Variants in RPIA observed in about 807,000 individuals in gnomAD.
The protein encoded by RPIA is ribose-5-phosphate isomerase.
A neutral mutation model predicts 37.8 loss-of-function variants in RPIA; 29 were observed. The observed-to-expected ratio is 0.77, with a 90% CI of 0.57 to 1.05. RPIA has a LOEUF of 1.05. RPIA is among the 50% of genes least tolerant of loss of function. RPIA has a pLI of 0.00. For missense variants in RPIA, 385 were observed against 413.6 expected, an observed-to-expected ratio of 0.93 and a Z score of 0.60; for synonymous variants, 167 against 157.0, an observed-to-expected ratio of 1.06 and a Z score of -0.48.
Position 88,750,527 on chromosome 2 carries a change from CT to C in RPIA, c.*451del, listed in dbSNP as rs1673492979. 1 of 418,716 alleles carries C rather than the reference CT, an allele frequency of 2.4e-6. No homozygotes were observed. Among genetic ancestry groups the C allele is most frequent in the Non-Finnish European group, 4.2e-6 (1 of 237,554 alleles). 25.9% of individuals were successfully genotyped at this position (418,716 alleles called of 1,614,324 possible). On this transcript the variant is annotated 3_prime_UTR_variant, in exon 9 of 9. Transcript: ENST00000283646. Reference sequence around the variant, plus strand: ...GATGCCTTACTGGAAACTTTGTTTACTTGTCTGCTACCCTCTGATTTGTTTT... The same window carrying C: ...GATGCCTTACTGGAAACTTTGTTTACTGTCTGCTACCCTCTGATTTGTTTT...
intron 3 of RPIA, among the ~76,000 whole-genome samples, chr2:88,713,121 T>TATATATATATATATATATA (rs58120689): frequency 1.8e-5 from 1 of 56,302 alleles, no homozygotes; most frequent in African/African-American, 8.0e-5. Context: ...TATATATATA[T>TATATATATATATATATATA]TTTTTTTTTT....
chr2:88,710,348 G>A (rs963930070), intron 3 of RPIA, among the ~76,000 whole-genome samples: 2 of 152,140 alleles, frequency 1.3e-5, no homozygotes, highest in Admixed American at 6.5e-5. Flanking sequence ...GCCCAGCCAA[G>A]GCAGTTCTGA....
At chr2:88,722,994 T>TTTTG (rs1299054359) in intron 3 of RPIA, among the ~76,000 whole-genome samples, 1 of 152,196 alleles carries the variant, frequency 6.6e-6, no homozygotes, top group East Asian at 1.9e-4. Flanking sequence ...GTGCATAGTT[T>TTTTG]TTTGTTTGTT....
At chr2:88,717,773 C>T (rs998358871) in intron 3 of RPIA, among the ~76,000 whole-genome samples, 2 of 152,102 alleles carry the variant, frequency 1.3e-5, no homozygotes, top group African/African-American at 2.4e-5. Context: ...ATTGTTTATT[C>T]CTAGACAGGT....
Position 88,691,828 on chromosome 2 carries a change from C to T in RPIA, c.130C>T (p.Pro44Ser). 6.3e-7 allele frequency: 1 copy of T among 1,597,568 alleles called. No homozygotes were observed. ...WDLPGSHVRLPGRAQSGTRGG... is the reference protein window; with the variant it reads ...WDLPGSHVRLSGRAQSGTRGG... Reference sequence around the variant, plus strand: ...CCTCCCGGGTTCCCACGTGCGGCTGCCGGGGCGTGCACAGTCTGGGACCCG... The same window carrying T: ...CCTCCCGGGTTCCCACGTGCGGCTGTCGGGGCGTGCACAGTCTGGGACCCG... The change falls in exon 1 of 9, where the codon CCG becomes TCG. Residue 44 changes from proline to serine, a missense_variant. Physicochemically the swap from Pro to Ser is moderately conservative, Grantham distance 74. Coordinates refer to ENST00000283646, the MANE Select transcript of RPIA (RefSeq NM_144563.3).
chr2:88,743,802 C>G (rs1172921335), intron 8 of RPIA, among the ~76,000 whole-genome samples: 3 of 151,958 alleles, frequency 2.0e-5, no homozygotes, highest in African/African-American at 7.2e-5. Flanking sequence ...CATGCACATA[C>G]AGGTGTTCAT....
chr2:88,750,418 T>C lies in RPIA; in HGVS notation c.*340T>C. On this transcript the variant is annotated 3_prime_UTR_variant, in exon 9 of 9. Transcript: ENST00000283646. Reference sequence around the variant, plus strand: ...TTTGACTTGAGTCTGCTGGTAAAGCTTCTGAATATTGAGTTTGCTGAGAAA... The same window carrying C: ...TTTGACTTGAGTCTGCTGGTAAAGCCTCTGAATATTGAGTTTGCTGAGAAA... 1 of 419,166 alleles carries C rather than the reference T, an allele frequency of 2.4e-6. No homozygotes were observed. The highest frequency in any genetic ancestry group is 3.5e-5 in the East Asian group (1 of 28,342). The allele number at this position is 419,166 out of a possible 1,614,324, so 26.0% of individuals were successfully genotyped here.
intron 3 of RPIA, among the ~76,000 whole-genome samples, chr2:88,701,799 C>T (rs1301118807): frequency 6.6e-6 from 1 of 152,202 alleles, no homozygotes; most frequent in East Asian, 1.9e-4. Flanking sequence ...TAGAGGACCA[C>T]CCTTACATAC....
intron 3 of RPIA, among the ~76,000 whole-genome samples, chr2:88,721,567 A>ACC (rs1558694753): frequency 1.7e-5 from 1 of 58,068 alleles, no homozygotes; most frequent in Non-Finnish European, 3.2e-5. Context: ...ACACACACAC[A>ACC]CACACCCCCC....
chr2:88,721,968 C>G (rs1394998704), intron 3 of RPIA, among the ~76,000 whole-genome samples: 5 of 148,200 alleles, frequency 3.4e-5, no homozygotes, highest in Admixed American at 6.7e-5. Flanking sequence ...ACAGCTTGAT[C>G]TATAAAAGTT....
intron 8 of RPIA, among the ~76,000 whole-genome samples, chr2:88,739,409 A>T (rs542603846): frequency 2.6e-4 from 39 of 152,312 alleles, no homozygotes; most frequent in African/African-American, 9.1e-4. Context: ...TGCCTACCTT[A>T]TAAGGTTGTT....
intron 3 of RPIA, among the ~76,000 whole-genome samples, chr2:88,708,097 T>C (rs1303428648): frequency 1.3e-5 from 2 of 152,202 alleles, no homozygotes; most frequent in Non-Finnish European, 2.9e-5. Context: ...AATTCAGTCA[T>C]CATGCAGGAA....
intron 3 of RPIA, among the ~76,000 whole-genome samples, chr2:88,711,127 C>T (rs185201426): frequency 1.2e-4 from 18 of 152,304 alleles, no homozygotes; most frequent in South Asian, 4.1e-4. Flanking sequence ...ACCTGAGGTC[C>T]GGGCTGGTGG....
intron 3 of RPIA, among the ~76,000 whole-genome samples, chr2:88,708,864 C>T (rs1232894324): frequency 6.6e-6 from 1 of 151,334 alleles, no homozygotes; most frequent in African/African-American, 2.4e-5. Flanking sequence ...TCATGCCGTA[C>T]TCCTGCGTCA....
Position 88,750,508 on chromosome 2 carries a change from T to C in RPIA, c.*430T>C. 2.4e-6 allele frequency: 1 copy of C among 420,524 alleles called. No homozygotes were observed. The highest frequency in any genetic ancestry group is 4.2e-6 in the Non-Finnish European group (1 of 238,604). The allele number at this position is 420,524 out of a possible 1,614,324, so 26.0% of individuals were successfully genotyped here. A position where few individuals can be genotyped will look rare whatever the true frequency, so the allele number is the denominator to read the frequency against. ...CCACCAGCAGTGATCTCCTGATGCC[T>C]TACTGGAAACTTTGTTTACTTGTCT... On this transcript the variant is annotated 3_prime_UTR_variant, in exon 9 of 9. Coordinates refer to ENST00000283646, the MANE Select transcript of RPIA (RefSeq NM_144563.3).
intron 4 of RPIA, 37 bp from the exon 5 acceptor site, chr2:88,734,515 G>A (rs546500172): frequency 1.1e-5 from 17 of 1,607,084 alleles, no homozygotes; most frequent in East Asian, 8.9e-5. Context: ...GGCTCCCCTC[G>A]AGTGGTTTTT....
Position 88,691,911 on chromosome 2 carries a change from C to G in RPIA, c.213C>G (p.Ala71=). The G allele has an allele frequency of 6.3e-7, 1 of 1,594,942 alleles. No individual in the cohort carries two copies. The highest frequency in any genetic ancestry group is 1.1e-5 in the South Asian group (1 of 87,942). The change falls in exon 1 of 9, where the codon GCC becomes GCG. Residue 71 remains alanine (A), a synonymous_variant. Coordinates refer to ENST00000283646, the MANE Select transcript of RPIA (RefSeq NM_144563.3). ...GGGACTCCAACAGCATCTGCCCGGC[C>G]CCCTCCACGATGTCCAAGGCCGAGG... The part of the protein sequence containing the change: ...SCGDSNSICP[A]PSTMSKAEEA...
intron 4 of RPIA, among the ~76,000 whole-genome samples, chr2:88,733,619 A>G (rs539570996): frequency 2.1e-3 from 317 of 152,282 alleles, no homozygotes; most frequent in Non-Finnish European, 2.9e-3. Flanking sequence ...TGCCTGCTGT[A>G]ACTTCAGACA....
At chr2:88,749,846 G>T in intron 8 of RPIA, 135 bp from the exon 9 acceptor site, 1 of 661,166 alleles carries the variant, frequency 1.5e-6, no homozygotes, top group East Asian at 3.0e-5. Context: ...ATTGCTCTGT[G>T]GGAGAAAAAG....
Sources: gnomAD v4.1 joint callset for allele counts (sites outside exome capture counted in the v4.1 genomes callset) on GRCh38, gnomAD v4.1.1 for gene constraint, MANE v1.5 for transcripts, NCBI Gene and HGNC (gene_info 2026-07-23, HGNC 2026-07-21) for gene names.